The following NCOA2 variants were observed in gnomAD, a reference collection of about 807,000 sequenced individuals.
NCOA2 encodes the protein class E basic helix-loop-helix protein 75.
NCOA2 carries 21 observed loss-of-function variants against 145.1 expected under a neutral mutation model. The ratio of observed to expected loss-of-function variants is 0.14; its 90% CI spans 0.10 to 0.21. The LOEUF (loss-of-function observed/expected upper bound fraction) is 0.21, where lower values mean the gene tolerates loss of function less well. Among genes scored for constraint, NCOA2 ranks in the 10% least tolerant of loss-of-function variants. The pLI is 1.00. For synonymous variants in NCOA2, 619 were observed against 637.5 expected, an observed-to-expected ratio of 0.97 and a Z score of 0.44; for missense variants, 1,472 against 1,837.6, an observed-to-expected ratio of 0.80 and a Z score of 3.64.
At chr8:70,282,301 C>CA (rs1825944867) in intron 2 of NCOA2, among the ~76,000 whole-genome samples, 1 of 152,156 alleles carries the variant, frequency 6.6e-6, no homozygotes, top group African/African-American at 2.4e-5. Flanking sequence ...TCAAGGACTA[C>CA]AAAAACAACT....
At chr8:70,440,446 C>T in the NCOA2 span, among the ~76,000 whole-genome samples, 4 of 152,002 alleles carry the variant, frequency 2.6e-5, no homozygotes, top group African/African-American at 4.8e-5. Context: ...TGGCGGCACA[C>T]ACCTGTAGTC....
intron 1 of NCOA2, among the ~76,000 whole-genome samples, chr8:70,389,224 T>C (rs183442760): frequency 5.3e-5 from 8 of 152,302 alleles, no homozygotes; most frequent in Non-Finnish European, 4.4e-5. Context: ...GTTTGGGTTG[T>C]AGCAGAGCCA....
chr8:70,338,055 G>GA (rs1158415618), intron 1 of NCOA2, among the ~76,000 whole-genome samples: 1 of 151,610 alleles, frequency 6.6e-6, no homozygotes, highest in African/African-American at 2.4e-5. Flanking sequence ...AAAAATACCC[G>GA]AAAGCTAGCA....
intron 2 of NCOA2, among the ~76,000 whole-genome samples, chr8:70,233,041 A>G (rs552662216): frequency 3.3e-5 from 5 of 152,260 alleles, no homozygotes; most frequent in African/African-American, 7.2e-5. Flanking sequence ...CCTGGCCAAC[A>G]TGGTGAAATC....
intron 2 of NCOA2, among the ~76,000 whole-genome samples, chr8:70,258,399 T>A (rs1421933747): frequency 6.6e-6 from 1 of 152,206 alleles, no homozygotes; most frequent in Non-Finnish European, 1.5e-5. Flanking sequence ...CTCATAAACG[T>A]ATCTCCCTAA....
chr8:70,166,520 G>GAATA (rs754760071), intron 7 of NCOA2, 46 bp downstream of exon 7: 1 of 1,594,196 alleles, frequency 6.3e-7, no homozygotes, highest in Admixed American at 1.7e-5. Context: ...AGTAGCACAG[G>GAATA]AATAAATACA....
At chr8:70,411,399 T>C in the NCOA2 span, among the ~76,000 whole-genome samples, 2 of 152,208 alleles carry the variant, frequency 1.3e-5, no homozygotes, top group Non-Finnish European at 2.9e-5. Context: ...ACTATTAGAA[T>C]TAAATTTAAT....
At chr8:70,215,704 T>C (rs1180881981) in intron 3 of NCOA2, among the ~76,000 whole-genome samples, 1 of 152,216 alleles carries the variant, frequency 6.6e-6, no homozygotes, top group Non-Finnish European at 1.5e-5. Flanking sequence ...ATTATTTATA[T>C]GATTTAAAAC....
Position 70,124,783 on chromosome 8 carries a change from T to C in NCOA2, c.3999A>G (p.Thr1333=), listed in dbSNP as rs1808228167. 2 of 1,613,572 alleles carry C rather than the reference T, an allele frequency of 1.2e-6. No individual in the cohort carries two copies. Among genetic ancestry groups the C allele is most frequent in the African/African-American group, 2.7e-5 (2 of 74,816 alleles). Reference sequence around the variant, plus strand: ...GAGACTGTTGCATCATGGGACTCTGTGTATGTGCCATTCGGGGTGACATAA... The same window carrying C: ...GAGACTGTTGCATCATGGGACTCTGCGTATGTGCCATTCGGGGTGACATAA... ...SPLMSPRMAH[T]QSPMMQQSQA... is the part of the protein sequence containing the mutation. Residue 1333 remains threonine, a synonymous_variant, in exon 20 of 23, where the codon ACA becomes ACG. Coordinates refer to ENST00000452400, the MANE Select transcript of NCOA2 (RefSeq NM_006540.4).
At position 70,305,800 on chromosome 8, in the gene NCOA2, A is replaced by G. The variant is rs76553357; in HGVS notation, c.-76-9000T>C. Among the ~76,000 whole-genome samples the G allele has an allele frequency of 5.9e-3, 894 of 152,332 alleles. 5 individuals carry two copies. The highest frequency in any genetic ancestry group is 0.02 in the African/African-American group (834 of 41,560). On this transcript the variant is annotated intron_variant, in intron 1 of 22. Coordinates refer to ENST00000452400, the MANE Select transcript of NCOA2 (RefSeq NM_006540.4). ...GCGATTAAGTATGTCAATATTTTAC[A>G]GAGTTGTAGAAAGAATGTAGTATTC...
At chr8:70,444,302 G>C in the NCOA2 span, among the ~76,000 whole-genome samples, 1 of 152,176 alleles carries the variant, frequency 6.6e-6, no homozygotes, top group Non-Finnish European at 1.5e-5. Context: ...CAAAATTACA[G>C]AGATGGAAAA....
intron 2 of NCOA2, among the ~76,000 whole-genome samples, chr8:70,245,601 T>C (rs1822548818): frequency 6.6e-6 from 1 of 152,010 alleles, no homozygotes; most frequent in South Asian, 2.1e-4. Flanking sequence ...CACACGTGCA[T>C]GCAATGTACA....
chr8:70,289,321 A>G (rs1267184373), intron 2 of NCOA2, among the ~76,000 whole-genome samples: 1 of 152,216 alleles, frequency 6.6e-6, no homozygotes, highest in African/African-American at 2.4e-5. Flanking sequence ...TAAGCTACCA[A>G]TTCAATAATT....
intron 1 of NCOA2, among the ~76,000 whole-genome samples, chr8:70,375,531 A>C (rs1457477954): frequency 1.3e-5 from 2 of 152,214 alleles, no homozygotes; most frequent in Non-Finnish European, 2.9e-5. Context: ...AAAAATAATG[A>C]GACTTAAAAG....
chr8:70,300,340 T>C (rs1225097299), intron 1 of NCOA2, among the ~76,000 whole-genome samples: 1 of 152,250 alleles, frequency 6.6e-6, no homozygotes, highest in Non-Finnish European at 1.5e-5. Context: ...AAAATTTTAA[T>C]GTTAAAAAAT....
intron 1 of NCOA2, among the ~76,000 whole-genome samples, chr8:70,335,154 G>A (rs1012321294): frequency 0.069 from 4,267 of 61,558 alleles, 179 homozygotes; most frequent in East Asian, 0.24. Flanking sequence ...AAAAAAAAAA[G>A]ATCTCTCCCT....
At chr8:70,193,370 G>T (rs1286157815) in intron 4 of NCOA2, among the ~76,000 whole-genome samples, 1 of 151,978 alleles carries the variant, frequency 6.6e-6, no homozygotes, top group African/African-American at 2.4e-5. Flanking sequence ...AAAAGAAAAG[G>T]TTTAAAGGTT....
At chr8:70,115,067 T>G (rs1186792012) in intron 22 of NCOA2, among the ~76,000 whole-genome samples, 2 of 152,206 alleles carry the variant, frequency 1.3e-5, no homozygotes, top group Non-Finnish European at 2.9e-5. Context: ...ATAAAAACAC[T>G]CCATGGTGCT....
intron 1 of NCOA2, among the ~76,000 whole-genome samples, chr8:70,377,952 T>C (rs1478244270): frequency 6.6e-6 from 1 of 152,170 alleles, no homozygotes; most frequent in Admixed American, 6.5e-5. Flanking sequence ...CTGATTTCCA[T>C]AGACTGATAC....
Sources: gnomAD v4.1 joint callset for allele counts (sites outside exome capture counted in the v4.1 genomes callset) on GRCh38, gnomAD v4.1.1 for gene constraint, MANE v1.5 for transcripts, NCBI Gene and HGNC (gene_info 2026-07-23, HGNC 2026-07-21) for gene names.